The following RBM12 variants were observed in gnomAD, a reference collection of about 807,000 sequenced individuals.
The protein encoded by RBM12 is RNA binding motif protein 12.
RBM12 carries 24 observed loss-of-function variants against 37.2 expected under a neutral mutation model. The observed-to-expected ratio is 0.65, with a 90% CI of 0.47 to 0.91. The LOEUF (loss-of-function observed/expected upper bound fraction) is 0.91, where lower values mean the gene tolerates loss of function less well. Ranked by LOEUF, RBM12 falls within the 40% of genes least tolerant of loss-of-function variation. The probability of loss-of-function intolerance (pLI) is 0.00; values close to 1 mark genes in which losing one functional copy is unlikely to be tolerated. For synonymous variants in RBM12, 420 were observed against 425.2 expected (o/e 0.99, Z 0.15); for missense variants, 1,061 against 1,183.2 (o/e 0.90, Z 1.52).
intron 2 of RBM12, among the ~76,000 whole-genome samples, chr20:35,656,854 C>T (rs2033930146): frequency 6.8e-6 from 1 of 147,080 alleles, no homozygotes; most frequent in African/African-American, 2.4e-5. Context: ...GCTCATGACC[C>T]TCAGAAAGGT....
rs1470031470 is a variant in RBM12, at chr20:35,654,617, TC to T, written c.705del (p.Met235IlefsTer13). 6.2e-7 allele frequency: 1 copy of T among 1,613,632 alleles called. No homozygotes were observed. The highest frequency in any genetic ancestry group is 1.7e-5 in the Admixed American group (1 of 59,954). On this transcript the variant is annotated frameshift_variant, in exon 3 of 3. Transcript: ENST00000374114. LOFTEE classifies it high-confidence loss of function. ...PIPPVPSVPP[M>X]TPLPPMSGMP... ...ATGCCCGACATGGGTGGCAGTGGGG[TC>T]ATGGGTGGCACAGAAGGAACTGGGG...
At position 35,653,207 on chromosome 20, in the gene RBM12, C is replaced by T. The variant is rs760117929; in HGVS notation, c.2116G>A (p.Ala706Thr). 1 of 1,613,520 alleles carries T rather than the reference C, an allele frequency of 6.2e-7. No homozygotes were observed. Among genetic ancestry groups the T allele is most frequent in the Non-Finnish European group, 8.5e-7 (1 of 1,179,986 alleles). ...TCCTTTGATCCTACAGTCAGGAAGG[C>T]ATGCTCTTCACCTCCTGCACTAGGT... ...GIPSAGGEEH[A>T]FLTVGSKEAN... The change falls in exon 3 of 3, where the codon GCC becomes ACC. Residue 706 changes from alanine (A) to threonine (T), a missense_variant. Physicochemically the swap from Ala to Thr is moderately conservative, Grantham distance 58. Around this residue, in one of 3 missense-constraint regions of RBM12, gnomAD observed 517 missense variants for 534.0 expected, o/e 0.97. Transcript: ENST00000374114.
chr20:35,663,036 A>ACT (rs2034320306), intron 1 of RBM12, among the ~76,000 whole-genome samples: 1 of 152,244 alleles, frequency 6.6e-6, no homozygotes, highest in African/African-American at 2.4e-5. Context: ...AATAATATAT[A>ACT]CTAAGCACAT....
chr20:35,661,732 T>C (rs2034241729), intron 1 of RBM12, among the ~76,000 whole-genome samples: 1 of 152,198 alleles, frequency 6.6e-6, no homozygotes, highest in Non-Finnish European at 1.5e-5. Context: ...GAAAAAAATG[T>C]CTGACAACAA....
chr20:35,653,590 A>G lies in RBM12; in HGVS notation c.1733T>C (p.Val578Ala), dbSNP rs891882703. Reference sequence around the variant, plus strand: ...TCCTAGACCTTGCCCATTGTTATCAACAAGAACATGTACAGCATTTTCATC... The same window carrying G: ...TCCTAGACCTTGCCCATTGTTATCAGCAAGAACATGTACAGCATTTTCATC... Reference protein sequence around the residue: ...PVDENAVHVLVDNNGQGLGQA... With the variant: ...PVDENAVHVLADNNGQGLGQA... Residue 578 changes from valine to alanine, a missense_variant, in exon 3 of 3, where the codon GTT (valine) becomes GCT (alanine). By Grantham distance (64) the Val-to-Ala change is moderately conservative. Transcript: ENST00000374114. 1.9e-6 allele frequency: 3 copies of G among 1,614,118 alleles called. No individual in the cohort carries two copies. The highest frequency in any genetic ancestry group is 3.3e-5 in the Admixed American group (2 of 60,002).
Position 35,654,067 on chromosome 20 carries a change from C to T in RBM12, c.1256G>A (p.Arg419Lys). The T allele has an allele frequency of 6.2e-7, 1 of 1,614,210 alleles. No individual in the cohort carries two copies. The highest frequency in any genetic ancestry group is 8.5e-7 in the Non-Finnish European group (1 of 1,180,040). Residue 419 changes from arginine (R) to lysine (K), a missense_variant, in exon 3 of 3, where the codon AGA becomes AAA. Around this residue, in one of 3 missense-constraint regions of RBM12, gnomAD observed 540 missense variants for 632.7 expected, o/e 0.85. Coordinates refer to ENST00000374114, the MANE Select transcript of RBM12 (RefSeq NM_006047.6). Reference sequence around the variant, plus strand: ...CTCATGTGGTGATCTTGACCTTGATCTTTTCTGCCCACTGGGCGATTTTGA... The same window carrying T: ...CTCATGTGGTGATCTTGACCTTGATTTTTTCTGCCCACTGGGCGATTTTGA... The part of the protein sequence containing the change: ...PRSKSPSGQK[R>K]SRSRSPHEAG...
At chr20:35,657,289 A>G (rs147041993) in intron 2 of RBM12, among the ~76,000 whole-genome samples, 19 of 152,368 alleles carry the variant, frequency 1.2e-4, no homozygotes, top group Non-Finnish European at 2.8e-4. Context: ...TTAGCAGCCT[A>G]TAAGGAGGTT....
In RBM12 at chr20:35,654,025, T is replaced by C; in HGVS notation, c.1298A>G (p.Tyr433Cys). The C allele has an allele frequency of 1.2e-6, 2 of 1,614,232 alleles. No individual in the cohort carries two copies. Among genetic ancestry groups the C allele is most frequent in the Non-Finnish European group, 1.7e-6 (2 of 1,180,036 alleles). Residue 433 changes from tyrosine (Y) to cysteine (C), a missense_variant, in exon 3 of 3, where the codon TAC becomes TGC. By Grantham distance (194) the Tyr-to-Cys change is radical. Transcript: ENST00000374114. ...RSPHEAGFCV[Y>C]LKGLPFEAEN... ...TGCTTCAAATGGTAGCCCTTTCAAG[T>C]AAACACAAAAACCAGCCTCATGTGG... is the stretch of plus-strand genomic sequence containing the variant.
At chr20:35,661,572 T>C (rs2034233411) in intron 1 of RBM12, among the ~76,000 whole-genome samples, 1 of 152,202 alleles carries the variant, frequency 6.6e-6, no homozygotes, top group East Asian at 1.9e-4. Flanking sequence ...ATTCATATTA[T>C]CAGGAATTAG....
At chr20:35,664,016 G>A (rs977419952) in intron 1 of RBM12, among the ~76,000 whole-genome samples, 7 of 152,306 alleles carry the variant, frequency 4.6e-5, no homozygotes, top group African/African-American at 1.7e-4. Context: ...CCTACTGGGG[G>A]ACCAAAGGCC....
In RBM12 at chr20:35,655,427, T is replaced by C. The variant is rs184745466; in HGVS notation, c.-22-83A>G. ...TAGCTACAAGAATGACCAGCTACCA[T>C]ATTAGGCCCTCAAATATTCCCTCAA... On this transcript the variant is annotated intron_variant, in intron 2 of 2. Coordinates refer to ENST00000374114, the MANE Select transcript of RBM12 (RefSeq NM_006047.6). 1.5e-3 allele frequency: 1,706 copies of C among 1,167,752 alleles called. 3 individuals are homozygous for C. The highest frequency in any genetic ancestry group is 6.3e-3 in the Middle Eastern group (31 of 4,902). The allele number at this position is 1,167,752 out of a possible 1,614,324, so 72.3% of individuals were successfully genotyped here.
At chr20:35,663,339 T>C (rs1458599285) in intron 1 of RBM12, among the ~76,000 whole-genome samples, 1 of 152,214 alleles carries the variant, frequency 6.6e-6, no homozygotes, top group Non-Finnish European at 1.5e-5. Context: ...ATTAACAATA[T>C]ACACTAGTTA....
Position 35,655,097 on chromosome 20 carries a change from T to C in RBM12, c.226A>G (p.Lys76Glu), listed in dbSNP as rs899420979. ...GSKVTLLLSSKTEMQNMIELS... is the reference protein window; with the variant it reads ...GSKVTLLLSSETEMQNMIELS... ...TCAATCATATTCTGCATTTCCGTCT[T>C]ACTACTCAACAATAGTGTTACTTTT... The change falls in exon 3 of 3, where the codon AAG becomes GAG. Residue 76 changes from lysine (K) to glutamate (E), a missense_variant. Physicochemically the swap from Lys to Glu is moderately conservative, Grantham distance 56. This residue lies in a region of RBM12 where 540 missense variants were observed against 632.7 expected (regional missense o/e 0.85). Transcript: ENST00000374114. 2 of 1,614,174 alleles carry C rather than the reference T, an allele frequency of 1.2e-6. No homozygotes were observed. Among genetic ancestry groups the C allele is most frequent in the Non-Finnish European group, 1.7e-6 (2 of 1,180,034 alleles).
rs780983718 is a variant in RBM12, at chr20:35,652,578, A to G, written c.2745T>C (p.Ile915=). 1.5e-5 allele frequency: 24 copies of G among 1,614,180 alleles called. No individual in the cohort carries two copies. Among genetic ancestry groups the G allele is most frequent in the Non-Finnish European group, 1.8e-5 (21 of 1,180,020 alleles). The change falls in exon 3 of 3, where the codon ATT becomes ATC. Residue 915 remains isoleucine (I), a synonymous_variant. Coordinates refer to ENST00000374114, the MANE Select transcript of RBM12 (RefSeq NM_006047.6). ...AACCTATAGGCCTGTCATTTAAGTC[A>G]ATGACAGCAGCTGTGGCTTCATCCC... ...ESRDEATAAV[I]DLNDRPIGSR...
chr20:35,656,644 C>T (rs2146360617), intron 2 of RBM12, among the ~76,000 whole-genome samples: 1 of 152,302 alleles, frequency 6.6e-6, no homozygotes, highest in East Asian at 1.9e-4. Flanking sequence ...AAGTAATTCT[C>T]CTGCCTCAGC....
rs2033496042 is a variant in RBM12, at chr20:35,651,280, G to A, written c.*1244C>T. On this transcript the variant is annotated 3_prime_UTR_variant, in exon 3 of 3. Coordinates refer to ENST00000374114, the MANE Select transcript of RBM12 (RefSeq NM_006047.6). ...GACACTTACCAACCAGAACTCATGT[G>A]GTCCTCCTGCCTTAGTGTCCTGAAT... The A allele has an allele frequency of 1.3e-5, 2 of 152,128 alleles. No homozygotes were observed. The highest frequency in any genetic ancestry group is 4.8e-5 in the African/African-American group (2 of 41,422). The allele number at this position is 152,128 out of a possible 1,614,324, so 9.4% of individuals were successfully genotyped here.
Position 35,653,362 on chromosome 20 carries a change from T to C in RBM12, c.1961A>G (p.Asn654Ser), listed in dbSNP as rs576054861. ...PGNPAVPGMP[N>S]AGLPGVGLPS... is the part of the protein sequence containing the mutation. ...CAGTCCCACACCGGGCAGTCCCGCATTGGGCATTCCTGGAACTGCAGGATT... is the reference window on the plus strand; with the variant it reads ...CAGTCCCACACCGGGCAGTCCCGCACTGGGCATTCCTGGAACTGCAGGATT... Residue 654 changes from asparagine to serine, a missense_variant, in exon 3 of 3, where the codon AAT becomes AGT. Coordinates refer to ENST00000374114, the MANE Select transcript of RBM12 (RefSeq NM_006047.6). 7 of 1,614,106 alleles carry C rather than the reference T, an allele frequency of 4.3e-6. No homozygotes were observed. The highest frequency in any genetic ancestry group is 2.2e-5 in the East Asian group (1 of 44,886).
Position 35,652,687 on chromosome 20 carries a change from T to C in RBM12, c.2636A>G (p.Tyr879Cys), listed in dbSNP as rs1446723854. The change falls in exon 3 of 3, where the codon TAT (tyrosine) becomes TGT (cysteine). Residue 879 changes from tyrosine to cysteine, a missense_variant. Physicochemically the swap from Tyr to Cys is radical, Grantham distance 194. This residue lies in a region of RBM12 where 517 missense variants were observed against 534.0 expected (regional missense o/e 0.97). Transcript: ENST00000374114. ...IDEILDFFYG[Y>C]QVIPGSVCLK... is the part of the protein sequence containing the mutation. The stretch of plus-strand genomic sequence containing the variant: ...ACACACTGAGCCTGGGATTACTTGA[T>C]AGCCATAAAAGAAATCTAAAATCTC... 1.9e-6 allele frequency: 3 copies of C among 1,614,016 alleles called. No individual in the cohort carries two copies. The highest frequency in any genetic ancestry group is 2.5e-6 in the Non-Finnish European group (3 of 1,179,982).
intron 1 of RBM12, among the ~76,000 whole-genome samples, chr20:35,660,212 T>C (rs11698796): frequency 0.15 from 22,312 of 152,148 alleles, 1,633 homozygotes; most frequent in Middle Eastern, 0.19. Flanking sequence ...CTTTTTTTTT[T>C]CTTTTTTTGA....
Sources: gnomAD v4.1 joint callset for allele counts (sites outside exome capture counted in the v4.1 genomes callset) on GRCh38, gnomAD v4.1.1 for gene constraint, gnomAD v4.1.1 regional missense constraint, MANE v1.5 for transcripts, NCBI Gene and HGNC (gene_info 2026-07-23, HGNC 2026-07-21) for gene names.